RPS15A: variants seen among roughly 807,000 people sequenced by gnomAD.
RPS15A encodes the protein small ribosomal subunit protein uS8.
For missense variants in RPS15A, 62 were observed against 163.4 expected, an observed-to-expected ratio of 0.38 and a Z score of 3.38; for synonymous variants, 55 against 58.5, an observed-to-expected ratio of 0.94 and a Z score of 0.27.
Position 18,781,383 on chromosome 16 carries a change from C to T in RPS15A, c.*1626G>A, listed in dbSNP as rs1305357317. 1 of 151,640 alleles carries T rather than the reference C, an allele frequency of 6.6e-6. No individual in the cohort carries two copies. The highest frequency in any genetic ancestry group is 2.4e-5 in the African/African-American group (1 of 41,256). 9.4% of individuals were successfully genotyped at this position (151,640 alleles called of 1,614,324 possible). On this transcript the variant is annotated 3_prime_UTR_variant, in exon 5 of 5. Coordinates refer to ENST00000322989, the MANE Select transcript of RPS15A (RefSeq NM_001019.5). ...ATCAACATGTAAGCGACTGAGGCAT[C>T]CCTACACACCAGGTTTGCAGGCTAG...
At chr16:18,784,958 G>A in intron 3 of RPS15A, 135 bp from the exon 4 acceptor site, 2 of 639,184 alleles carry the variant, frequency 3.1e-6, no homozygotes, top group Non-Finnish European at 5.3e-6. Context: ...TACTTATTCT[G>A]TGCACAATGC....
chr16:18,787,875 CAT>C (rs1365534810), intron 3 of RPS15A, among the ~76,000 whole-genome samples, 186 bp downstream of exon 3: 3 of 152,230 alleles, frequency 2.0e-5, no homozygotes, highest in African/African-American at 7.2e-5. Flanking sequence ...GGTCAACTGA[CAT>C]AATCCTAGCA....
chr16:18,786,998 G>A (rs2029898397), intron 3 of RPS15A, among the ~76,000 whole-genome samples: 1 of 152,152 alleles, frequency 6.6e-6, no homozygotes, highest in South Asian at 2.1e-4. Flanking sequence ...CGGAGTACCT[G>A]GGATTACAAG....
At chr16:18,788,179 T>C (rs542994074) in intron 2 of RPS15A, 37 bp from the exon 3 acceptor site, 2 of 1,319,468 alleles carry the variant, frequency 1.5e-6, no homozygotes, top group African/African-American at 1.4e-5. Context: ...ATAAAAGACA[T>C]CAACTTGAGA....
At chr16:18,789,713 G>A (rs2029984062) in intron 1 of RPS15A, among the ~76,000 whole-genome samples, 1 of 152,074 alleles carries the variant, frequency 6.6e-6, no homozygotes, top group South Asian at 2.1e-4. Context: ...TTGTCAGACT[G>A]GACTCTCTTC....
chr16:18,786,185 C>T (rs995234181), intron 3 of RPS15A: 22 of 186,312 alleles, frequency 1.2e-4, no homozygotes, highest in African/African-American at 4.1e-4. Context: ...GCCAACATGG[C>T]GAAACCCCGT....
At position 18,788,963 on chromosome 16, in the gene RPS15A, C is replaced by T; in HGVS notation, c.133+18G>A. The T allele has an allele frequency of 6.2e-7, 1 of 1,604,660 alleles. No individual in the cohort carries two copies. The highest frequency in any genetic ancestry group is 1.7e-5 in the Admixed American group (1 of 57,636). ...GAGTCTCACATGAAAACATAAAACA[C>T]AGCGGCAGCAGACTTACCATGCTTC... On this transcript the variant is annotated intron_variant, in intron 2 of 4. Transcript: ENST00000322989.
rs1903969835 is a variant in RPS15A at position 18,781,791 on chromosome 16, T to G, written c.*1218A>C. ...AACATTCTCAGCGACTTCCCATATC[T>G]TACAGAGGCAGGCCCTCCTTTCAGG... is the stretch of plus-strand genomic sequence containing the variant. On this transcript the variant is annotated 3_prime_UTR_variant, in exon 5 of 5. Coordinates refer to ENST00000322989, the MANE Select transcript of RPS15A (RefSeq NM_001019.5). The G allele has an allele frequency of 6.6e-6, 1 of 152,142 alleles. No individual in the cohort carries two copies. Among genetic ancestry groups the G allele is most frequent in the African/African-American group, 2.4e-5 (1 of 41,418 alleles). 9.4% of individuals were successfully genotyped at this position (152,142 alleles called of 1,614,324 possible). A position where few individuals can be genotyped will look rare whatever the true frequency, so the allele number is the denominator to read the frequency against.
chr16:18,784,379 C>G (rs1040285501), intron 4 of RPS15A: 4 of 168,908 alleles, frequency 2.4e-5, no homozygotes, highest in African/African-American at 7.2e-5. Context: ...TCTCAAGTAG[C>G]TGGGATCACA....
chr16:18,789,837 C>T (rs1219329482), intron 1 of RPS15A: 1 of 152,244 alleles, frequency 6.6e-6, no homozygotes, highest in Non-Finnish European at 1.5e-5. Context: ...AACTCTGCGG[C>T]CCAGAAGATC....
At chr16:18,789,195 G>A in intron 1 of RPS15A, 77 bp from the exon 2 acceptor site, 6 of 1,422,148 alleles carry the variant, frequency 4.2e-6, no homozygotes, top group Non-Finnish European at 5.7e-6. Context: ...CACTGCGGAA[G>A]TATCCTTTCC....
At position 18,782,857 on chromosome 16, in the gene RPS15A, T is replaced by C. The variant is rs911317761; in HGVS notation, c.*152A>G. The C allele has an allele frequency of 1.7e-6, 1 of 573,640 alleles. No homozygotes were observed. The highest frequency in any genetic ancestry group is 1.9e-5 in the African/African-American group (1 of 53,288). The allele number at this position is 573,640 out of a possible 1,614,324, so 35.5% of individuals were successfully genotyped here. A position where few individuals can be genotyped will look rare whatever the true frequency, so the allele number is the denominator to read the frequency against. ...TAAGAACTTTTTCCCTTGGCTGTATTAGTCACTTCAGGGAATCGCATTCAC... is the reference window on the plus strand; with the variant it reads ...TAAGAACTTTTTCCCTTGGCTGTATCAGTCACTTCAGGGAATCGCATTCAC... On this transcript the variant is annotated 3_prime_UTR_variant, in exon 5 of 5. Transcript: ENST00000322989.
chr16:18,789,333 T>A (rs893490113), intron 1 of RPS15A, among the ~76,000 whole-genome samples: 5 of 152,216 alleles, frequency 3.3e-5, no homozygotes, highest in African/African-American at 9.6e-5. Flanking sequence ...AGCCTGCACA[T>A]TTTGAAACTC....
At chr16:18,783,283 C>G (rs1903993581) in intron 4 of RPS15A, 181 bp from the exon 5 acceptor site, 1 of 553,702 alleles carries the variant, frequency 1.8e-6, no homozygotes, top group Non-Finnish European at 3.2e-6. Flanking sequence ...TCCTGCAACC[C>G]AAAGAGCCAA....
chr16:18,782,838 C>T lies in RPS15A; in HGVS notation c.*171G>A, dbSNP rs965716483. 9 of 519,758 alleles carry T rather than the reference C, an allele frequency of 1.7e-5. No individual in the cohort carries two copies. Among genetic ancestry groups the T allele is most frequent in the Non-Finnish European group, 3.1e-5 (9 of 293,446 alleles). The allele number at this position is 519,758 out of a possible 1,614,324, so 32.2% of individuals were successfully genotyped here. On this transcript the variant is annotated 3_prime_UTR_variant, in exon 5 of 5. Coordinates refer to ENST00000322989, the MANE Select transcript of RPS15A (RefSeq NM_001019.5). The stretch of plus-strand genomic sequence containing the variant: ...CTTAGGCATACTGGTTTCATAAGAA[C>T]TTTTTCCCTTGGCTGTATTAGTCAC...
At chr16:18,784,147 CG>C (rs1170146708) in intron 4 of RPS15A, 1 of 168,820 alleles carries the variant, frequency 5.9e-6, no homozygotes, top group African/African-American at 2.4e-5. Context: ...AGAGGCTGAG[CG>C]GGGAGGACTG....
At chr16:18,783,338 C>T in intron 4 of RPS15A, 1 of 516,108 alleles carries the variant, frequency 1.9e-6, no homozygotes, top group Non-Finnish European at 3.5e-6. Context: ...TGACTTCTGC[C>T]TACACCATGA....
chr16:18,788,791 T>C, intron 2 of RPS15A, 190 bp downstream of exon 2: 2 of 571,440 alleles, frequency 3.5e-6, no homozygotes, highest in Non-Finnish European at 6.2e-6. Context: ...AGAGCTCCTT[T>C]TTCCAGCAGT....
intron 3 of RPS15A, 127 bp downstream of exon 3, chr16:18,787,936 C>T (rs1275428961): frequency 2.2e-5 from 15 of 670,948 alleles, no homozygotes; most frequent in South Asian, 7.0e-5. Flanking sequence ...ATTTTTAAAC[C>T]TTTTTAAAGT....
Sources: gnomAD v4.1 joint callset for allele counts (sites outside exome capture counted in the v4.1 genomes callset) on GRCh38, gnomAD v4.1.1 for gene constraint, MANE v1.5 for transcripts, NCBI Gene and HGNC (gene_info 2026-07-23, HGNC 2026-07-21) for gene names.